Variants in ZNF423 observed in about 807,000 individuals in gnomAD.
The protein encoded by ZNF423 is zinc finger protein 423, also known as Ebf-associated zinc finger protein.
Under a neutral mutation model 95.8 loss-of-function variants are expected in ZNF423, and 12 were observed. The ratio of observed to expected loss-of-function variants is 0.13; its 90% confidence interval spans 0.08 to 0.20. The LOEUF is 0.20. Among genes scored for constraint, ZNF423 ranks in the 10% least tolerant of loss-of-function variants. The pLI, the probability that ZNF423 is intolerant of heterozygous loss-of-function variation, is 1.00. For missense variants in ZNF423, 1,316 were observed against 1,737.1 expected (o/e 0.76, Z 4.31); for synonymous variants, 749 against 711.9 (o/e 1.05, Z -0.83).
chr16:49,808,886 C>A (rs963929878), intron 1 of ZNF423, among the ~76,000 whole-genome samples: 3 of 152,178 alleles, frequency 2.0e-5, no homozygotes, highest in Non-Finnish European at 4.4e-5. Context: ...GAGAGACCCA[C>A]CAGGCTGCGG....
chr16:49,595,617 A>T (rs1023008823), intron 5 of ZNF423, among the ~76,000 whole-genome samples: 4 of 152,272 alleles, frequency 2.6e-5, no homozygotes, highest in African/African-American at 9.6e-5. Flanking sequence ...GTTCTGAAAC[A>T]GTAAACTAAG....
At chr16:49,818,117 C>T (rs1454492150) in intron 1 of ZNF423, among the ~76,000 whole-genome samples, 1 of 152,160 alleles carries the variant, frequency 6.6e-6, no homozygotes, top group Non-Finnish European at 1.5e-5. Context: ...TCCTTTTTCT[C>T]AGAAGGCTTC....
intron 1 of ZNF423, among the ~76,000 whole-genome samples, chr16:49,812,609 G>A (rs2034771608): frequency 1.3e-5 from 2 of 152,206 alleles, no homozygotes; most frequent in Non-Finnish European, 2.9e-5. Flanking sequence ...GAGCCTGTGA[G>A]TTCTAGGTTG....
intron 7 of ZNF423, among the ~76,000 whole-genome samples, chr16:49,517,211 A>T (rs1968182767): frequency 1.3e-5 from 2 of 152,216 alleles, no homozygotes; most frequent in Middle Eastern, 3.4e-3. Flanking sequence ...AGCATCCAAA[A>T]TCCACTCATG....
In ZNF423 at chr16:49,842,406, AAGGAAGGCAGGCAGGCAGGCAGGC is replaced by A. The variant is rs1353865777; in HGVS notation, c.40+13305_40+13328del. ...GAAGGAAGGAAGGAAGGAAGGAAGGAAGGAAGGCAGGCAGGCAGGCAGGCAGGCAGGCAGGCAGGCAGGCCCATA... is the reference window on the plus strand; with the variant it reads ...GAAGGAAGGAAGGAAGGAAGGAAGGAAGGCAGGCAGGCAGGCAGGCCCATA... On this transcript the variant is annotated intron_variant, in intron 1 of 7. Transcript: ENST00000563137. 7.4e-3 allele frequency among the ~76,000 whole-genome samples: 650 copies of A among 88,214 alleles called. 2 individuals carry two copies. Among genetic ancestry groups the A allele is most frequent in the Middle Eastern group, 0.032 (4 of 126 alleles). 57.9% of individuals were successfully genotyped at this position (88,214 alleles called of 152,430 possible).
intron 3 of ZNF423, among the ~76,000 whole-genome samples, chr16:49,670,548 C>G (rs1395617363): frequency 6.6e-6 from 1 of 152,152 alleles, no homozygotes; most frequent in Non-Finnish European, 1.5e-5. Flanking sequence ...AGGCAGCCAA[C>G]CTAGTGCCAA....
chr16:49,622,324 G>T (rs1972108606), intron 5 of ZNF423, among the ~76,000 whole-genome samples: 1 of 152,046 alleles, frequency 6.6e-6, no homozygotes, highest in Non-Finnish European at 1.5e-5. Flanking sequence ...TGGTATCGGA[G>T]GTGCTCCATG....
intron 3 of ZNF423, among the ~76,000 whole-genome samples, chr16:49,730,159 G>A (rs372295901): frequency 6.6e-6 from 1 of 152,072 alleles, no homozygotes; most frequent in East Asian, 1.9e-4. Flanking sequence ...CAAAACTCCT[G>A]AAGTCTTCAG....
intron 1 of ZNF423, among the ~76,000 whole-genome samples, chr16:49,827,891 T>A (rs932055603): frequency 6.6e-6 from 1 of 152,206 alleles, no homozygotes; most frequent in African/African-American, 2.4e-5. Context: ...TGAGCCACCA[T>A]GCCCAGTCTG....
At chr16:49,829,266 C>T (rs1035921539) in intron 1 of ZNF423, among the ~76,000 whole-genome samples, 2 of 152,166 alleles carry the variant, frequency 1.3e-5, no homozygotes, top group Admixed American at 6.5e-5. Flanking sequence ...ATCCTCACAA[C>T]GGAACTGCTT....
rs191468157 is a variant in ZNF423 at position 49,732,075 on chromosome 16, G to A, written c.101-1104C>T. On this transcript the variant is annotated intron_variant, in intron 2 of 7. Transcript: ENST00000563137. ...CTTGCATATCCTAAACTCAAAGAAG[G>A]CTCAAAGGATCATGTGATCCAACCC... is the stretch of plus-strand genomic sequence containing the variant. Among the ~76,000 whole-genome samples the A allele has an allele frequency of 2.2e-4, 33 of 152,178 alleles. 1 individual carries two copies. In the East Asian group the frequency reaches 6.2e-3, roughly 28 times the overall value.
chr16:49,523,596 G>T (rs368657201), intron 7 of ZNF423, 28 bp downstream of exon 7: 2 of 1,585,520 alleles, frequency 1.3e-6, no homozygotes, highest in Non-Finnish European at 1.7e-6. Context: ...CCATCAGGCG[G>T]CGTGGTGCAG....
intron 2 of ZNF423, among the ~76,000 whole-genome samples, chr16:49,771,865 T>C (rs1247166233): frequency 6.6e-6 from 1 of 152,130 alleles, no homozygotes; most frequent in Non-Finnish European, 1.5e-5. Flanking sequence ...AGCTCCCACA[T>C]ACCCTCACCA....
At chr16:49,842,347 G>T (rs1429592296) in intron 1 of ZNF423, among the ~76,000 whole-genome samples, 1 of 111,514 alleles carries the variant, frequency 9.0e-6, no homozygotes, top group Non-Finnish European at 1.8e-5. Flanking sequence ...GGAAGGGAAG[G>T]GAAGGGAAGG....
At chr16:49,831,419 T>A (rs937726034) in intron 1 of ZNF423, among the ~76,000 whole-genome samples, 3 of 152,158 alleles carry the variant, frequency 2.0e-5, no homozygotes, top group Admixed American at 1.3e-4. Flanking sequence ...AATCCCAGTA[T>A]CTCCAATTAT....
intron 5 of ZNF423, among the ~76,000 whole-genome samples, chr16:49,553,081 T>A (rs1009840833): frequency 3.9e-5 from 6 of 152,056 alleles, no homozygotes; most frequent in East Asian, 1.9e-4. Context: ...TTAAAAAAAA[T>A]ATCAAACAAG....
rs75442751 is a variant in ZNF423, at chr16:49,526,968, C to T, written c.3602-1474G>A. ...CCCAGGGAACCAGCCTCACTGAAGG[C>T]GCCAGGTGCTCTGATTTGCCCTTAA... is the stretch of plus-strand genomic sequence containing the variant. On this transcript the variant is annotated intron_variant, in intron 5 of 7. Transcript: ENST00000563137. Among the ~76,000 whole-genome samples the T allele has an allele frequency of 2.0e-3, 307 of 152,306 alleles. 2 individuals are homozygous for T. Among genetic ancestry groups the T allele is most frequent in the African/African-American group, 7.0e-3 (292 of 41,552 alleles).
chr16:49,720,786 G>A (rs2032842824), intron 3 of ZNF423, among the ~76,000 whole-genome samples: 1 of 152,178 alleles, frequency 6.6e-6, no homozygotes, highest in South Asian at 2.1e-4. Flanking sequence ...AGATGTCTGT[G>A]GCTCCTGACC....
At chr16:49,758,628 G>A (rs2033771261) in intron 2 of ZNF423, among the ~76,000 whole-genome samples, 1 of 152,114 alleles carries the variant, frequency 6.6e-6, no homozygotes, top group Non-Finnish European at 1.5e-5. Context: ...TGCAGTCCCA[G>A]CTACTAGGGA....
Sources: allele counts gnomAD v4.1 joint callset (sites outside exome capture counted in the v4.1 genomes callset), GRCh38; gene constraint gnomAD v4.1.1; transcripts MANE v1.5; gene names NCBI Gene and HGNC (gene_info 2026-07-23, HGNC 2026-07-21).